The following TMC6 variants were observed in gnomAD, a reference collection of about 807,000 sequenced individuals.
TMC6 encodes the protein transmembrane channel-like protein 6.
TMC6 carries 71 observed loss-of-function variants against 95.4 expected under a neutral mutation model. That is an observed-to-expected ratio of 0.74 (90% confidence interval 0.61 to 0.91). The LOEUF (loss-of-function observed/expected upper bound fraction) is 0.91, where lower values mean the gene tolerates loss of function less well. Ranked by LOEUF, TMC6 falls within the 40% of genes least tolerant of loss-of-function variation. The pLI, the probability that TMC6 is intolerant of heterozygous loss-of-function variation, is 0.00. For synonymous variants in TMC6, 514 were observed against 483.1 expected (o/e 1.06, Z -0.84); for missense variants, 1,074 against 1,079.1 (o/e 1.00, Z 0.07).
At chr17:78,126,109 G>T in intron 4 of TMC6, 168 bp downstream of exon 4, 1 of 1,141,778 alleles carries the variant, frequency 8.8e-7, no homozygotes, top group Non-Finnish European at 1.2e-6. Flanking sequence ...GCTGTGCTGG[G>T]CCCCCAGGCA....
chr17:78,119,434 C>T (rs1192215144), intron 13 of TMC6, 42 bp from the exon 14 acceptor site: 1 of 1,604,452 alleles, frequency 6.2e-7, no homozygotes. Context: ...GAAAGCCATG[C>T]CCAGGGAGGC....
Position 78,112,890 on chromosome 17 carries a change from TCA to T in TMC6, c.*256_*257del. 3 of 537,438 alleles carry T rather than the reference TCA, an allele frequency of 5.6e-6. No individual in the cohort carries two copies. The highest frequency in any genetic ancestry group is 9.9e-6 in the Non-Finnish European group (3 of 303,558). 33.3% of individuals were successfully genotyped at this position (537,438 alleles called of 1,614,324 possible). On this transcript the variant is annotated 3_prime_UTR_variant, in exon 20 of 20. Transcript: ENST00000590602. ...AGCGGGAAGCAGGCCCCGGGTGTGG[TCA>T]CAGACACAGAGCCCCAAGGGACAAG...
At chr17:78,126,718 G>T (rs2074737658) in intron 2 of TMC6, 59 bp downstream of exon 2, 1 of 1,611,680 alleles carries the variant, frequency 6.2e-7, no homozygotes, top group Non-Finnish European at 8.5e-7. Flanking sequence ...CTGCTCAGGT[G>T]ACCTCTCCGT....
At position 78,126,314 on chromosome 17, in the gene TMC6, T is replaced by A. The variant is rs1318753748; in HGVS notation, c.234A>T (p.Thr78=). ...TGGGCATGCTGGCCAGGATGCGGAG[T>A]GTGGCCGTGCTCTGGGTGCCCTCGG... ...WRPEGTQSTA[T]LRILASMPSR... Residue 78 remains threonine, a synonymous_variant, in exon 4 of 20, where the codon ACA becomes ACT. Transcript: ENST00000590602. 6.4e-7 allele frequency: 1 copy of A among 1,569,410 alleles called. No individual in the cohort carries two copies. The highest frequency in any genetic ancestry group is 1.8e-5 in the Admixed American group (1 of 54,474).
chr17:78,126,384 C>T lies in TMC6; in HGVS notation c.182-18G>A. ...GCTACTTCCTACAAAGCAAGAAAGACTCACCAGGGGTCCTGGAGATGCCAT... is the reference window on the plus strand; with the variant it reads ...GCTACTTCCTACAAAGCAAGAAAGATTCACCAGGGGTCCTGGAGATGCCAT... On this transcript the variant is annotated intron_variant, in intron 3 of 19. Coordinates refer to ENST00000590602, the MANE Select transcript of TMC6 (RefSeq NM_001127198.5). 1 of 1,598,246 alleles carries T rather than the reference C, an allele frequency of 6.3e-7. No individual in the cohort carries two copies. Among genetic ancestry groups the T allele is most frequent in the Non-Finnish European group, 8.5e-7 (1 of 1,177,646 alleles).
intron 9 of TMC6, among the ~76,000 whole-genome samples, 200 bp downstream of exon 9, chr17:78,123,789 A>G (rs1457088105): frequency 1.3e-5 from 2 of 148,184 alleles, no homozygotes; most frequent in Non-Finnish European, 3.0e-5. Context: ...GGGTGGATGG[A>G]TGAATGGGTG....
chr17:78,124,948 G>A lies in TMC6; in HGVS notation c.574C>T (p.Gln192Ter). The stretch of plus-strand genomic sequence containing the variant: ...GAGCAGACCCCGCCGCTGCCCGGCT[G>A]GCCCCTCCACTTCCCCCTCGGGGTC... Reference protein sequence around the residue: ...SRTPRGKWRGQPGSGGVCSCC... With the variant: ...SRTPRGKWRG Residue 192 changes from glutamine to a stop codon, truncating the protein, a stop_gained, in exon 7 of 20, where the codon CAG (glutamine) becomes TAG (stop). Transcript: ENST00000590602. LOFTEE classifies it high-confidence loss of function. 1 of 1,600,296 alleles carries A rather than the reference G, an allele frequency of 6.2e-7. No individual in the cohort carries two copies. The highest frequency in any genetic ancestry group is 1.1e-5 in the South Asian group (1 of 89,664).
At chr17:78,120,580 G>T in intron 13 of TMC6, 73 bp downstream of exon 13, 1 of 1,606,736 alleles carries the variant, frequency 6.2e-7, no homozygotes, top group Non-Finnish European at 8.5e-7. Context: ...CCAGGCCTGA[G>T]AACCTCCCGG....
At chr17:78,117,381 G>A (rs372552532) in intron 17 of TMC6, 34 bp from the exon 18 acceptor site, 3 of 1,612,520 alleles carry the variant, frequency 1.9e-6, no homozygotes, top group Non-Finnish European at 2.5e-6. Context: ...AGGGCCCAGG[G>A]CCACAGCCCG....
In TMC6 at chr17:78,124,656, C is replaced by G. The variant is rs554669051; in HGVS notation, c.759G>C (p.Lys253Asn). 257 of 1,611,430 alleles carry G rather than the reference C, an allele frequency of 1.6e-4. No homozygotes were observed. In the South Asian group the frequency reaches 2.7e-3, roughly 17 times the overall value. The change falls in exon 8 of 20, where the codon AAG (lysine) becomes AAC (asparagine). Residue 253 changes from lysine to asparagine, a missense_variant. Transcript: ENST00000590602. ...GGAGGGCATTGAAAGCCAGCAGGGT[C>G]TTGAGAAAGAGGAAGTAGGAGAGCA... The part of the protein sequence containing the change: ...SSVLSYFLFL[K>N]TLLAFNALLL...
intron 8 of TMC6, 171 bp downstream of exon 8, chr17:78,124,353 C>T (rs963114839): frequency 2.8e-5 from 37 of 1,336,410 alleles, no homozygotes; most frequent in African/African-American, 4.3e-5. Context: ...AACCCCAGCA[C>T]GATGAGCATC....
At position 78,117,493 on chromosome 17, in the gene TMC6, CAAA is replaced by C; in HGVS notation, c.2170_2172del (p.Phe724del). 3.7e-6 allele frequency: 6 copies of C among 1,609,424 alleles called. No homozygotes were observed. The highest frequency in any genetic ancestry group is 5.1e-6 in the Non-Finnish European group (6 of 1,178,988). On this transcript the variant is annotated inframe_deletion, in exon 17 of 20. Coordinates refer to ENST00000590602, the MANE Select transcript of TMC6 (RefSeq NM_001127198.5). ...AGCAGCAGGGCTGACACCAGGAAGA[CAAA>C]GAAGGTGTTTTCCATCAGGTACCGG...
Position 78,118,953 on chromosome 17 carries a change from AGG to A in TMC6, c.1887+16_1887+17del. On this transcript the variant is annotated intron_variant, in intron 15 of 19. Coordinates refer to ENST00000590602, the MANE Select transcript of TMC6 (RefSeq NM_001127198.5). ...CCACCCTGCCAGCCCAGCCCTCCCCAGGCCTTGGCAGCCTCACCTTCTTGACA... is the reference window on the plus strand; with the variant it reads ...CCACCCTGCCAGCCCAGCCCTCCCCACCTTGGCAGCCTCACCTTCTTGACA... 3 of 1,584,376 alleles carry A rather than the reference AGG, an allele frequency of 1.9e-6. No individual in the cohort carries two copies. Among genetic ancestry groups the A allele is most frequent in the Non-Finnish European group, 2.6e-6 (3 of 1,165,494 alleles).
chr17:78,124,771 C>T lies in TMC6; in HGVS notation c.644G>A (p.Ser215Asn). Residue 215 changes from serine to asparagine, a missense_variant, in exon 8 of 20, where the codon AGC (serine) becomes AAC (asparagine). Ser to Asn is a conservative substitution (Grantham distance 46, BLOSUM62 1). Coordinates refer to ENST00000590602, the MANE Select transcript of TMC6 (RefSeq NM_001127198.5). Reference protein sequence around the residue: ...LRYACVLALHSLGLALLSALQ... With the variant: ...LRYACVLALHNLGLALLSALQ... ...GGCGGAGAGCAGCGCCAGGCCCAGG[C>T]TGTGCAAGGCCTGCGGGCACAGGCA... 6.3e-7 allele frequency: 1 copy of T among 1,582,340 alleles called. No individual in the cohort carries two copies. Among genetic ancestry groups the T allele is most frequent in the Non-Finnish European group, 8.6e-7 (1 of 1,164,942 alleles).
intron 18 of TMC6, among the ~76,000 whole-genome samples, chr17:78,114,470 T>G (rs1355790505): frequency 6.6e-6 from 1 of 152,070 alleles, no homozygotes; most frequent in African/African-American, 2.4e-5. Context: ...GGGACATCTT[T>G]GGGGCCAGTA....
chr17:78,125,337 A>T (rs2074652196), intron 5 of TMC6, 74 bp from the exon 6 acceptor site: 1 of 1,362,118 alleles, frequency 7.3e-7, no homozygotes, highest in Non-Finnish European at 1.0e-6. Flanking sequence ...GACCCTGGTC[A>T]GGCCTGTGTG....
chr17:78,131,939 G>A (rs931681499), upstream of TMC6: 5 of 1,508,450 alleles, frequency 3.3e-6, no homozygotes, highest in Non-Finnish European at 4.4e-6. Flanking sequence ...GGCAGCGCCG[G>A]CGGCAGACGG....
rs573123071 is a variant in TMC6 at position 78,113,410 on chromosome 17, G to T, written c.2354+138C>A. ...TAGAGAGAGTGAAGGTGGGCGCCGG[G>T]GGGGAGATTTTTGTAGGTCAAAAGC... On this transcript the variant is annotated intron_variant, in intron 19 of 19. Coordinates refer to ENST00000590602, the MANE Select transcript of TMC6 (RefSeq NM_001127198.5). 14 of 1,252,716 alleles carry T rather than the reference G, an allele frequency of 1.1e-5. No individual in the cohort carries two copies. The East Asian group carries it at 1.3e-4, about 11-fold the overall frequency. The allele number at this position is 1,252,716 out of a possible 1,614,324, so 77.6% of individuals were successfully genotyped here. A position where few individuals can be genotyped will look rare whatever the true frequency, so the allele number is the denominator to read the frequency against.
chr17:78,123,865 A>G, intron 9 of TMC6, 124 bp downstream of exon 9: 2 of 1,299,378 alleles, frequency 1.5e-6, no homozygotes, highest in Non-Finnish European at 2.2e-6. Context: ...AGGTGAGTGG[A>G]TGAGAGCAGA....
Sources: allele counts gnomAD v4.1 joint callset (sites outside exome capture counted in the v4.1 genomes callset), GRCh38; gene constraint gnomAD v4.1.1; transcripts MANE v1.5; gene names NCBI Gene and HGNC (gene_info 2026-07-23, HGNC 2026-07-21).